The following SEMA6D variants were observed in gnomAD, a reference collection of about 807,000 sequenced individuals.
The protein encoded by SEMA6D is semaphorin-6D.
In SEMA6D, 35 loss-of-function variants were observed where a neutral mutation model predicts 106.6. The ratio of observed to expected loss-of-function variants is 0.33; its 90% CI spans 0.25 to 0.44. The LOEUF (loss-of-function observed/expected upper bound fraction) is 0.44, where lower values mean the gene tolerates loss of function less well. Ranked by LOEUF, SEMA6D falls within the 20% of genes least tolerant of loss-of-function variation. The pLI, the probability that SEMA6D is intolerant of heterozygous loss-of-function variation, is 1.00. For missense variants in SEMA6D, 1,185 were observed against 1,345.9 expected (o/e 0.88, Z 1.87); for synonymous variants, 499 against 487.7 (o/e 1.02, Z -0.31).
intron 1 of SEMA6D, among the ~76,000 whole-genome samples, chr15:47,384,125 A>T (rs2039736253): frequency 6.6e-6 from 1 of 152,196 alleles, no homozygotes; most frequent in South Asian, 2.1e-4. Context: ...TTTCCCACAA[A>T]TCAGAATAGG....
At chr15:47,264,320 A>G (rs2034215281) in intron 1 of SEMA6D, among the ~76,000 whole-genome samples, 1 of 144,124 alleles carries the variant, frequency 6.9e-6, no homozygotes, top group Admixed American at 7.4e-5. Context: ...AAACCTGGTC[A>G]TTTACCCCTG....
intron 1 of SEMA6D, among the ~76,000 whole-genome samples, chr15:47,402,575 A>G (rs1321767131): frequency 6.6e-6 from 1 of 152,210 alleles, no homozygotes; most frequent in Admixed American, 6.5e-5. Flanking sequence ...GGGCGCTTTC[A>G]GGTTCTCTGC....
chr15:47,463,504 A>C (rs2042573513), intron 2 of SEMA6D, among the ~76,000 whole-genome samples: 1 of 152,180 alleles, frequency 6.6e-6, no homozygotes, highest in African/African-American at 2.4e-5. Flanking sequence ...ACCCTTTGCA[A>C]TGTATTTCCA....
At position 47,573,677 on chromosome 15, in the gene SEMA6D, T is replaced by G. The variant is rs998971247; in HGVS notation, c.-86-27188T>G. Among the ~76,000 whole-genome samples, 3 of 152,232 alleles carry G rather than the reference T, an allele frequency of 2.0e-5. No individual in the cohort carries two copies. The East Asian group carries it at 5.8e-4, about 29-fold the overall frequency. ...GGCATTAATCTTCCTAAATTGCCAC[T>G]ATTAAAACATGTCCCATGCTGAATA... On this transcript the variant is annotated intron_variant, in intron 3 of 19. Transcript: ENST00000558014.
intron 1 of SEMA6D, among the ~76,000 whole-genome samples, chr15:47,228,054 AT>A (rs1483278611): frequency 2.8e-5 from 4 of 144,010 alleles, no homozygotes; most frequent in Non-Finnish European, 4.5e-5. Flanking sequence ...TTATATATAT[AT>A]TTTTATATAT....
At chr15:47,732,863 C>A (rs1283004881) in intron 1 of SEMA6D, among the ~76,000 whole-genome samples, 1 of 152,184 alleles carries the variant, frequency 6.6e-6, no homozygotes, top group African/African-American at 2.4e-5. Flanking sequence ...AACGACTTCT[C>A]TTTCACTATA....
rs188523176 is a variant in SEMA6D at position 47,652,861 on chromosome 15, A to G, written c.-55+51965A>G. Among the ~76,000 whole-genome samples, 50 of 152,336 alleles carry G rather than the reference A, an allele frequency of 3.3e-4. No homozygotes were observed. In the East Asian group the frequency reaches 8.1e-3, roughly 25 times the overall value. Reference sequence around the variant, plus strand: ...CTCATAAAGCTGTTCCCCATCAGTGAGTGGAAAGTATTTTTGAGGAGCTCT... The same window carrying G: ...CTCATAAAGCTGTTCCCCATCAGTGGGTGGAAAGTATTTTTGAGGAGCTCT... On this transcript the variant is annotated intron_variant, in intron 4 of 19. Transcript: ENST00000558014.
chr15:47,385,065 T>TTTTTTTTTTTTTC (rs35758807), intron 1 of SEMA6D, among the ~76,000 whole-genome samples: 1 of 137,156 alleles, frequency 7.3e-6, no homozygotes, highest in Non-Finnish European at 1.6e-5. Flanking sequence ...TTTTTTTTTT[T>TTTTTTTTTTTTTC]ACCATAGAAC....
chr15:47,675,620 A>G lies in SEMA6D; in HGVS notation c.-55+74724A>G, dbSNP rs145509918. ...GTACTCCCCTCCCTAAGAGGCATTGATATCAATTAGTATTGTGTTTTTCTT... is the reference window on the plus strand; with the variant it reads ...GTACTCCCCTCCCTAAGAGGCATTGGTATCAATTAGTATTGTGTTTTTCTT... On this transcript the variant is annotated intron_variant, in intron 4 of 19. Transcript: ENST00000558014. Among the ~76,000 whole-genome samples, 246 of 152,334 alleles carry G rather than the reference A, an allele frequency of 1.6e-3. 1 individual carries two copies. The highest frequency in any genetic ancestry group is 2.7e-3 in the Non-Finnish European group (181 of 68,020).
intron 1 of SEMA6D, among the ~76,000 whole-genome samples, chr15:47,334,529 G>A (rs977277518): frequency 1.3e-5 from 2 of 152,176 alleles, no homozygotes; most frequent in African/African-American, 4.8e-5. Context: ...CTACTGCTTA[G>A]TATTTGGGAA....
intron 3 of SEMA6D, among the ~76,000 whole-genome samples, chr15:47,504,482 T>C (rs1415096534): frequency 6.7e-6 from 1 of 149,528 alleles, no homozygotes; most frequent in East Asian, 2.2e-4. Context: ...TCTATTATGG[T>C]TGATGCTCTG....
chr15:47,354,040 GCT>G (rs2144877840), intron 1 of SEMA6D, among the ~76,000 whole-genome samples: 1 of 151,308 alleles, frequency 6.6e-6, no homozygotes, highest in South Asian at 2.1e-4. Flanking sequence ...CCACTTATAA[GCT>G]CTCTCATTCT....
chr15:47,351,128 C>T (rs951857762), intron 1 of SEMA6D, among the ~76,000 whole-genome samples: 9 of 152,112 alleles, frequency 5.9e-5, no homozygotes, highest in Non-Finnish European at 8.8e-5. Context: ...CTCTGCATAT[C>T]GCCTTCTTCC....
At chr15:47,385,935 T>G (rs7166534) in intron 1 of SEMA6D, among the ~76,000 whole-genome samples, 3 of 152,024 alleles carry the variant, frequency 2.0e-5, no homozygotes, top group African/African-American at 4.8e-5. Context: ...CAAAATAAGT[T>G]TTAACACTAA....
At chr15:47,459,898 C>T (rs2042452592) in intron 2 of SEMA6D, among the ~76,000 whole-genome samples, 1 of 151,926 alleles carries the variant, frequency 6.6e-6, no homozygotes, top group South Asian at 2.1e-4. Context: ...ACTTCAATTT[C>T]CTAAATAACA....
At chr15:47,278,080 C>A (rs1264988676) in intron 1 of SEMA6D, among the ~76,000 whole-genome samples, 26 of 151,254 alleles carry the variant, frequency 1.7e-4, no homozygotes, top group Admixed American at 1.3e-3. Context: ...CATACGTGTG[C>A]ATGTGTCTTT....
intron 3 of SEMA6D, among the ~76,000 whole-genome samples, chr15:47,555,428 A>G (rs2142525124): frequency 6.6e-6 from 1 of 152,340 alleles, no homozygotes; most frequent in East Asian, 1.9e-4. Context: ...ATCTTAAAAC[A>G]CTACCCCTTG....
chr15:47,445,313 C>A (rs996862310), intron 2 of SEMA6D, among the ~76,000 whole-genome samples: 2 of 152,044 alleles, frequency 1.3e-5, no homozygotes, highest in Non-Finnish European at 2.9e-5. Context: ...GCCGGGGAAC[C>A]ACCCTCTTCT....
intron 1 of SEMA6D, among the ~76,000 whole-genome samples, chr15:47,187,418 C>T (rs562047016): frequency 7.9e-5 from 12 of 152,092 alleles, no homozygotes; most frequent in Non-Finnish European, 1.3e-4. Flanking sequence ...ATTGAAATCT[C>T]ATCAAAACTT....
Sources: gnomAD v4.1 joint callset for allele counts (sites outside exome capture counted in the v4.1 genomes callset) on GRCh38, gnomAD v4.1.1 for gene constraint, MANE v1.5 for transcripts, NCBI Gene and HGNC (gene_info 2026-07-23, HGNC 2026-07-21) for gene names.